The following NFIB variants were observed in gnomAD, a reference collection of about 807,000 sequenced individuals.
The protein encoded by NFIB is nuclear factor 1 B-type.
Under a neutral mutation model 61.5 loss-of-function variants are expected in NFIB, and 11 were observed. That is an observed-to-expected ratio of 0.18 (90% CI 0.11 to 0.30). The LOEUF is 0.30. Among genes scored for constraint, NFIB ranks in the 10% least tolerant of loss-of-function variants. The probability of loss-of-function intolerance (pLI) is 1.00; values close to 1 mark genes in which losing one functional copy is unlikely to be tolerated. For missense variants in NFIB, 471 were observed against 608.9 expected, an observed-to-expected ratio of 0.77 and a Z score of 2.38; for synonymous variants, 260 against 216.5, an observed-to-expected ratio of 1.20 and a Z score of -1.76.
At chr9:14,285,981 G>A (rs1355568159) in intron 2 of NFIB, among the ~76,000 whole-genome samples, 1 of 151,118 alleles carries the variant, frequency 6.6e-6, no homozygotes, top group East Asian at 1.9e-4. Context: ...TAGTACTCCT[G>A]ATTTCCAACT....
chr9:14,506,892 C>A, the NFIB span, among the ~76,000 whole-genome samples: 1 of 152,102 alleles, frequency 6.6e-6, no homozygotes, highest in Admixed American at 6.5e-5. Context: ...TTAGAAAACA[C>A]ATAACTTATT....
chr9:14,088,324 G>T lies in NFIB; in HGVS notation c.1470C>A (p.Ser490=). The T allele has an allele frequency of 6.3e-7, 1 of 1,577,596 alleles. No homozygotes were observed. The highest frequency in any genetic ancestry group is 2.3e-5 in the East Asian group (1 of 44,332). Residue 490 remains serine, a splice_region_variant and synonymous_variant, in exon 11 of 11, where the codon TCC becomes TCA. Coordinates refer to ENST00000380953, the MANE Select transcript of NFIB (RefSeq NM_001190737.2). ...AGGAACCAAGCTAGCCCAGGTACCA[G>T]GACTGTTGAGAGGAGAGAGGCAGCA... ...RDPSFLHQQQ[S]WYLG is the part of the protein sequence containing the mutation.
the NFIB span, among the ~76,000 whole-genome samples, chr9:14,449,965 T>A: frequency 1.3e-4 from 20 of 151,782 alleles, no homozygotes; most frequent in African/African-American, 3.1e-4. Context: ...ATAAATAAAA[T>A]TTTTTTTAAA....
chr9:14,180,094 G>A lies in NFIB; in HGVS notation c.563-314C>T, dbSNP rs558045591. On this transcript the variant is annotated intron_variant, in intron 2 of 10. Transcript: ENST00000380953. ...GGTTTGAAGGTTAGGCAAATATTGA[G>A]GCCTGTCAGTAGCAATATGAAATAA... 2.0e-5 allele frequency among the ~76,000 whole-genome samples: 3 copies of A among 152,244 alleles called. No individual in the cohort carries two copies. The South Asian group carries it at 6.2e-4, about 32-fold the overall frequency.
At chr9:14,088,945 T>C (rs562154558) in intron 10 of NFIB, among the ~76,000 whole-genome samples, 8 of 152,156 alleles carry the variant, frequency 5.3e-5, no homozygotes, top group Non-Finnish European at 1.0e-4. Context: ...AGTTTTTTAG[T>C]AAAGACCGAA....
At chr9:14,367,929 G>C (rs1403467293) in intron 1 of NFIB, among the ~76,000 whole-genome samples, 1 of 152,146 alleles carries the variant, frequency 6.6e-6, no homozygotes, top group Admixed American at 6.5e-5. Flanking sequence ...ACCTAATGTA[G>C]ATGACAGGTT....
chr9:14,472,702 G>T, the NFIB span, among the ~76,000 whole-genome samples: 2 of 151,978 alleles, frequency 1.3e-5, no homozygotes, highest in African/African-American at 2.4e-5. Context: ...TTAGCCGGGC[G>T]TCGTGGCGGG....
intron 5 of NFIB, 86 bp from the exon 6 acceptor site, chr9:14,146,893 C>T: frequency 6.5e-7 from 1 of 1,544,592 alleles, no homozygotes; most frequent in South Asian, 1.2e-5. Flanking sequence ...AAGATCCTTA[C>T]TGTGAAAATT....
chr9:14,326,237 T>C (rs2060750346), intron 1 of NFIB, among the ~76,000 whole-genome samples: 2 of 152,248 alleles, frequency 1.3e-5, no homozygotes, highest in Admixed American at 6.5e-5. Context: ...TAATTCATTA[T>C]GCCTCTTCTT....
At chr9:14,421,084 C>CAAA in the NFIB span, among the ~76,000 whole-genome samples, 53,001 of 135,276 alleles carry the variant, frequency 0.39, 11,078 homozygotes, top group Admixed American at 0.51. Flanking sequence ...GGATCTTTGG[C>CAAA]AAAAAAAAAA....
chr9:14,204,700 T>C, intron 2 of NFIB: 1 of 613,102 alleles, frequency 1.6e-6, no homozygotes, highest in Non-Finnish European at 2.9e-6. Flanking sequence ...ATAAGAAAGC[T>C]CAGTTGGTGG....
At chr9:14,222,740 G>C (rs991261052) in intron 2 of NFIB, among the ~76,000 whole-genome samples, 1 of 132,444 alleles carries the variant, frequency 7.6e-6, no homozygotes, top group Non-Finnish European at 1.5e-5. Context: ...AGGCTACAGT[G>C]AGCCATGATC....
chr9:14,158,110 C>CAAAA (rs372875773), intron 3 of NFIB, among the ~76,000 whole-genome samples: 2 of 64,380 alleles, frequency 3.1e-5, no homozygotes, highest in Non-Finnish European at 6.6e-5. Flanking sequence ...GACTCCATCT[C>CAAAA]AAAAAAAAAA....
intron 2 of NFIB, chr9:14,204,388 CA>C: frequency 2.8e-6 from 3 of 1,085,886 alleles, no homozygotes; most frequent in Non-Finnish European, 4.2e-6. Context: ...ACATCCAGCC[CA>C]AAAGAGACCT....
intron 6 of NFIB, among the ~76,000 whole-genome samples, chr9:14,133,511 A>C (rs2040646481): frequency 1.3e-5 from 2 of 152,330 alleles, no homozygotes; most frequent in South Asian, 2.1e-4. Flanking sequence ...TTGTAGCTGA[A>C]ATCTGACATT....
At chr9:14,292,874 G>A (rs2059192224) in intron 2 of NFIB, among the ~76,000 whole-genome samples, 1 of 152,044 alleles carries the variant, frequency 6.6e-6, no homozygotes, top group Admixed American at 6.5e-5. Flanking sequence ...GTAAAATTAT[G>A]TCCATACGCA....
chr9:14,124,350 T>C (rs139248272), intron 7 of NFIB, among the ~76,000 whole-genome samples: 5 of 152,318 alleles, frequency 3.3e-5, no homozygotes, highest in Non-Finnish European at 5.9e-5. Context: ...CTCAATGGTA[T>C]AGGTAATAAA....
intron 2 of NFIB, among the ~76,000 whole-genome samples, chr9:14,201,142 C>T (rs956254891): frequency 6.6e-6 from 1 of 152,208 alleles, no homozygotes; most frequent in Non-Finnish European, 1.5e-5. Context: ...GCCTCAGCCT[C>T]CTCAGGCCAT....
rs552975979 is a variant in NFIB at position 14,229,905 on chromosome 9, G to A, written c.563-50125C>T. ...CAACCTCCGCCTCCCGGGTTCAAGC[G>A]CTTCTCCTGCCTCAGCCTCCCGAGT... On this transcript the variant is annotated intron_variant, in intron 2 of 10. Transcript: ENST00000380953. 4.6e-4 allele frequency among the ~76,000 whole-genome samples: 70 copies of A among 152,230 alleles called. 1 individual carries two copies. Among genetic ancestry groups the A allele is most frequent in the Middle Eastern group, 3.4e-3 (1 of 294 alleles).
Sources: gnomAD v4.1 joint callset for allele counts (sites outside exome capture counted in the v4.1 genomes callset) on GRCh38, gnomAD v4.1.1 for gene constraint, MANE v1.5 for transcripts, NCBI Gene and HGNC (gene_info 2026-07-23, HGNC 2026-07-21) for gene names.